The following ZNF385B variants were observed in gnomAD, a reference collection of about 807,000 sequenced individuals.
ZNF385B encodes the protein zinc finger protein 385B.
ZNF385B carries 23 observed loss-of-function variants against 39.2 expected under a neutral mutation model. The observed-to-expected ratio is 0.59, with a 90% CI of 0.42 to 0.83. ZNF385B has a LOEUF of 0.83. Among genes scored for constraint, ZNF385B ranks in the 40% least tolerant of loss-of-function variants. The probability of loss-of-function intolerance (pLI) is 0.00; values close to 1 mark genes in which losing one functional copy is unlikely to be tolerated. For missense variants in ZNF385B, 552 were observed against 598.9 expected, an observed-to-expected ratio of 0.92 and a Z score of 0.82; for synonymous variants, 205 against 222.6, an observed-to-expected ratio of 0.92 and a Z score of 0.70.
chr2:179,463,210 G>A (rs868181998), intron 6 of ZNF385B, among the ~76,000 whole-genome samples: 1 of 151,940 alleles, frequency 6.6e-6, no homozygotes, highest in Non-Finnish European at 1.5e-5. Flanking sequence ...AATCTCTTAT[G>A]AGCTAATGTC....
chr2:179,608,139 C>T (rs1055564500), intron 3 of ZNF385B, among the ~76,000 whole-genome samples: 1 of 152,026 alleles, frequency 6.6e-6, no homozygotes, highest in Non-Finnish European at 1.5e-5. Context: ...GTCTTGAACT[C>T]CTGACCTCAG....
chr2:179,593,466 A>G (rs1182075887), intron 3 of ZNF385B, among the ~76,000 whole-genome samples: 1 of 152,170 alleles, frequency 6.6e-6, no homozygotes, highest in African/African-American at 2.4e-5. Context: ...TATTTTTCTT[A>G]AATTACTAAA....
At chr2:179,626,932 TCTC>T (rs1690713745) in intron 3 of ZNF385B, among the ~76,000 whole-genome samples, 1 of 152,258 alleles carries the variant, frequency 6.6e-6, no homozygotes, top group South Asian at 2.1e-4. Context: ...GCCAGAAACA[TCTC>T]CTCTGGGCCT....
intron 8 of ZNF385B, 78 bp from the exon 9 acceptor site, chr2:179,445,055 T>C: frequency 1.6e-6 from 2 of 1,251,858 alleles, no homozygotes; most frequent in Non-Finnish European, 2.3e-6. Flanking sequence ...GTAGCTATTT[T>C]CTCCATTGCC....
chr2:179,524,516 C>G (rs2058739331), intron 4 of ZNF385B, among the ~76,000 whole-genome samples: 1 of 124,074 alleles, frequency 8.1e-6, no homozygotes, highest in African/African-American at 3.1e-5. Flanking sequence ...CGTGCCACTG[C>G]CGTCCAGCCT....
intron 3 of ZNF385B, among the ~76,000 whole-genome samples, chr2:179,681,461 G>A (rs1378642672): frequency 6.6e-6 from 1 of 152,088 alleles, no homozygotes; most frequent in Non-Finnish European, 1.5e-5. Flanking sequence ...TACACAATAA[G>A]AAGTATGAAA....
intron 6 of ZNF385B, among the ~76,000 whole-genome samples, chr2:179,463,600 G>A (rs1438404505): frequency 4.6e-5 from 7 of 151,964 alleles, no homozygotes; most frequent in South Asian, 4.1e-4. Flanking sequence ...GAGAACATGC[G>A]GTGTTTGATT....
intron 1 of ZNF385B, among the ~76,000 whole-genome samples, chr2:179,807,769 C>T (rs1449587729): frequency 3.3e-5 from 5 of 151,540 alleles, no homozygotes; most frequent in Non-Finnish European, 7.4e-5. Flanking sequence ...GTGGCAGGCG[C>T]CTGTAGTCCC....
chr2:179,504,555 T>C (rs1339011102), intron 5 of ZNF385B, among the ~76,000 whole-genome samples: 5 of 152,054 alleles, frequency 3.3e-5, no homozygotes, highest in Admixed American at 3.3e-4. Flanking sequence ...CCTGACTTTT[T>C]AATGATTGCC....
intron 3 of ZNF385B, among the ~76,000 whole-genome samples, chr2:179,643,676 TGGA>T (rs1437799797): frequency 6.6e-6 from 1 of 152,126 alleles, no homozygotes; most frequent in Non-Finnish European, 1.5e-5. Context: ...ACTATAGTGG[TGGA>T]GAAGAGCATA....
chr2:179,696,117 G>T (rs953371803), intron 3 of ZNF385B, among the ~76,000 whole-genome samples: 1 of 152,142 alleles, frequency 6.6e-6, no homozygotes, highest in Non-Finnish European at 1.5e-5. Context: ...GTTGTGGGGA[G>T]TGGAGACAGG....
intron 3 of ZNF385B, among the ~76,000 whole-genome samples, chr2:179,734,010 C>A (rs1166796124): frequency 6.6e-6 from 1 of 152,042 alleles, no homozygotes; most frequent in Non-Finnish European, 1.5e-5. Flanking sequence ...TTTACACAAA[C>A]AATATATACT....
intron 3 of ZNF385B, among the ~76,000 whole-genome samples, chr2:179,751,739 A>G (rs1348276110): frequency 2.0e-5 from 3 of 152,072 alleles, no homozygotes; most frequent in African/African-American, 7.2e-5. Flanking sequence ...AAAATTATGT[A>G]TAACACTCCA....
intron 3 of ZNF385B, among the ~76,000 whole-genome samples, chr2:179,729,508 A>ATATAT (rs1209881911): frequency 6.6e-6 from 1 of 152,198 alleles, no homozygotes; most frequent in African/African-American, 2.4e-5. Context: ...AAGTTCAGAG[A>ATATAT]TATATTATTA....
intron 1 of ZNF385B, among the ~76,000 whole-genome samples, chr2:179,823,396 C>A (rs1707512214): frequency 6.6e-6 from 1 of 152,112 alleles, no homozygotes; most frequent in South Asian, 2.1e-4. Flanking sequence ...TCCAAGGCCA[C>A]AAAGCTGAGC....
intron 3 of ZNF385B, among the ~76,000 whole-genome samples, chr2:179,658,656 T>C (rs898775062): frequency 1.9e-4 from 29 of 152,230 alleles, no homozygotes; most frequent in African/African-American, 6.0e-4. Flanking sequence ...ACTTTCTCTG[T>C]GCAGATTGAC....
rs542884482 is a variant in ZNF385B at position 179,752,569 on chromosome 2, T to C, written c.298+16934A>G. On this transcript the variant is annotated intron_variant, in intron 3 of 9. Coordinates refer to ENST00000410066, the MANE Select transcript of ZNF385B (RefSeq NM_152520.6). ...CCCACCAACAGTGTAAAAGTGTTCC[T>C]GTTTCTCCACATCCTCTCCAGCACC... 3.9e-5 allele frequency among the ~76,000 whole-genome samples: 6 copies of C among 152,342 alleles called. No individual in the cohort carries two copies. In the South Asian group the frequency reaches 1.0e-3, roughly 26 times the overall value.
chr2:179,734,672 T>C (rs899629389), intron 3 of ZNF385B, among the ~76,000 whole-genome samples: 1 of 152,140 alleles, frequency 6.6e-6, no homozygotes, highest in African/African-American at 2.4e-5. Context: ...ATTTAAAGAC[T>C]CAAGACATAG....
chr2:179,718,550 T>A (rs1185223654), intron 3 of ZNF385B, among the ~76,000 whole-genome samples: 3 of 148,690 alleles, frequency 2.0e-5, no homozygotes, highest in Non-Finnish European at 4.5e-5. Flanking sequence ...ATATATATAT[T>A]TCTTCCAGTA....
Sources: allele counts gnomAD v4.1 joint callset (sites outside exome capture counted in the v4.1 genomes callset), GRCh38; gene constraint gnomAD v4.1.1; transcripts MANE v1.5; gene names NCBI Gene and HGNC (gene_info 2026-07-23, HGNC 2026-07-21).